The following PTPRK variants were observed in gnomAD, a reference collection of about 807,000 sequenced individuals.
PTPRK encodes the protein receptor-type tyrosine-protein phosphatase kappa.
In PTPRK, 75 loss-of-function variants were observed where a neutral mutation model predicts 178.0. The observed-to-expected ratio is 0.42, with a 90% CI of 0.35 to 0.51. The LOEUF (loss-of-function observed/expected upper bound fraction) is 0.51, where lower values mean the gene tolerates loss of function less well. PTPRK is among the 20% of genes least tolerant of loss of function. The pLI is 0.02. For missense variants in PTPRK, 1,441 were observed against 1,797.8 expected (o/e 0.80, Z 3.59); for synonymous variants, 637 against 620.6 (o/e 1.03, Z -0.39).
chr6:128,251,703 C>T (rs1816483425), intron 3 of PTPRK, among the ~76,000 whole-genome samples: 2 of 152,078 alleles, frequency 1.3e-5, no homozygotes, highest in Admixed American at 1.3e-4. Context: ...TATACACGTG[C>T]CCACATAATT....
intron 6 of PTPRK, among the ~76,000 whole-genome samples, chr6:128,189,235 C>CTTTTTTTTTTTTTTTTTTT (rs71028115): frequency 1.5e-5 from 1 of 67,466 alleles, no homozygotes. Flanking sequence ...TACTCTTTTT[C>CTTTTTTTTTTTTTTTTTTT]TTTTTTTTTT....
chr6:127,992,603 A>G (rs1776734330), intron 19 of PTPRK, 70 bp downstream of exon 19: 6 of 1,351,590 alleles, frequency 4.4e-6, no homozygotes, highest in Non-Finnish European at 5.1e-6. Context: ...TTAAAAAATA[A>G]TAAAAACCAC....
intron 21 of PTPRK, among the ~76,000 whole-genome samples, chr6:127,989,065 G>A (rs1322482553): frequency 6.6e-6 from 1 of 151,962 alleles, no homozygotes; most frequent in Non-Finnish European, 1.5e-5. Context: ...CTAATTTCTG[G>A]GGTCACTGGT....
intron 13 of PTPRK, among the ~76,000 whole-genome samples, chr6:128,035,186 T>A (rs1486502533): frequency 6.6e-6 from 1 of 151,964 alleles, no homozygotes; most frequent in African/African-American, 2.4e-5. Flanking sequence ...GGCCAACATG[T>A]TGAAATCCCG....
chr6:128,239,956 T>C, intron 5 of PTPRK, 79 bp downstream of exon 5: 1 of 1,093,876 alleles, frequency 9.1e-7, no homozygotes, highest in Non-Finnish European at 1.4e-6. Flanking sequence ...CTCAAAAGGA[T>C]GAGACAACAA....
At chr6:128,344,596 G>A (rs1832150309) in intron 2 of PTPRK, among the ~76,000 whole-genome samples, 1 of 151,916 alleles carries the variant, frequency 6.6e-6, no homozygotes, top group Non-Finnish European at 1.5e-5. Context: ...GCTCACTGCA[G>A]CCCTGACCTC....
rs1773667141 is a variant in PTPRK at position 127,969,399 on chromosome 6, A to G, written c.*828T>C. ...TTTTACACAAATTTAATTCACAAGC[A>G]TGTACACAAGAGAATCACTATAAAG... On this transcript the variant is annotated 3_prime_UTR_variant, in exon 30 of 30. Transcript: ENST00000368226. 6.6e-6 allele frequency: 1 copy of G among 152,242 alleles called. No homozygotes were observed. Among genetic ancestry groups the G allele is most frequent in the South Asian group, 2.1e-4 (1 of 4,838 alleles). 9.4% of individuals were successfully genotyped at this position (152,242 alleles called of 1,614,324 possible). A position where few individuals can be genotyped will look rare whatever the true frequency, so the allele number is the denominator to read the frequency against.
intron 4 of PTPRK, among the ~76,000 whole-genome samples, chr6:128,240,483 C>T (rs77479033): frequency 6.6e-6 from 1 of 151,088 alleles, no homozygotes; most frequent in African/African-American, 2.4e-5. Flanking sequence ...ACTTACAAGT[C>T]AAAGCAACCA....
At chr6:128,339,530 T>G (rs778322331) in intron 2 of PTPRK, among the ~76,000 whole-genome samples, 71 of 152,240 alleles carry the variant, frequency 4.7e-4, no homozygotes, top group East Asian at 1.9e-4. Flanking sequence ...ACAATGTGTT[T>G]GGGGTAAGAA....
chr6:128,424,335 T>G (rs1843845897), intron 1 of PTPRK, among the ~76,000 whole-genome samples: 2 of 152,236 alleles, frequency 1.3e-5, no homozygotes, highest in Admixed American at 1.3e-4. Flanking sequence ...AAAGTCATTT[T>G]GAGACAGGAA....
intron 3 of PTPRK, among the ~76,000 whole-genome samples, chr6:128,280,202 CTCA>C (rs1821448644): frequency 6.6e-6 from 1 of 152,128 alleles, no homozygotes; most frequent in Non-Finnish European, 1.5e-5. Context: ...CAGGACAGCA[CTCA>C]TCAAGCTTCT....
chr6:128,228,652 T>A (rs1811799923), intron 5 of PTPRK, among the ~76,000 whole-genome samples: 1 of 76,606 alleles, frequency 1.3e-5, no homozygotes. Flanking sequence ...AGAGTGAGAC[T>A]CCATCTCAAA....
At chr6:128,339,325 T>C (rs1352795634) in intron 2 of PTPRK, among the ~76,000 whole-genome samples, 1 of 152,186 alleles carries the variant, frequency 6.6e-6, no homozygotes, top group Non-Finnish European at 1.5e-5. Context: ...GGCAGTTAAA[T>C]TAAAGCCATT....
chr6:128,486,661 G>A (rs2128426649), intron 1 of PTPRK, among the ~76,000 whole-genome samples: 1 of 152,148 alleles, frequency 6.6e-6, no homozygotes, highest in East Asian at 1.9e-4. Flanking sequence ...AAATTAGCCA[G>A]GCATGGAGGC....
At chr6:128,419,489 C>G (rs1843219582) in intron 1 of PTPRK, among the ~76,000 whole-genome samples, 1 of 152,006 alleles carries the variant, frequency 6.6e-6, no homozygotes, top group Non-Finnish European at 1.5e-5. Context: ...GTGGCGGGCA[C>G]CTGTAGTCCC....
intron 2 of PTPRK, among the ~76,000 whole-genome samples, chr6:128,392,425 T>C: frequency 6.6e-6 from 1 of 152,136 alleles, no homozygotes; most frequent in African/African-American, 2.4e-5. Flanking sequence ...AAACTAAAAT[T>C]CAATTAGCTA....
At chr6:128,131,864 G>A (rs1300013472) in intron 7 of PTPRK, among the ~76,000 whole-genome samples, 1 of 152,152 alleles carries the variant, frequency 6.6e-6, no homozygotes, top group Non-Finnish European at 1.5e-5. Context: ...GTTGAAAAAT[G>A]AGTCATCACT....
intron 6 of PTPRK, among the ~76,000 whole-genome samples, chr6:128,200,105 G>A (rs1348445755): frequency 1.3e-5 from 2 of 152,054 alleles, no homozygotes; most frequent in Non-Finnish European, 2.9e-5. Flanking sequence ...TATATATGAT[G>A]GTTCATACAT....
chr6:128,469,217 T>C (rs1236819261), intron 1 of PTPRK, among the ~76,000 whole-genome samples: 1 of 152,232 alleles, frequency 6.6e-6, no homozygotes, highest in African/African-American at 2.4e-5. Context: ...TTAAGCCATC[T>C]ATCAAGAAAC....
Sources: allele counts gnomAD v4.1 joint callset (sites outside exome capture counted in the v4.1 genomes callset), GRCh38; gene constraint gnomAD v4.1.1; transcripts MANE v1.5; gene names NCBI Gene and HGNC (gene_info 2026-07-23, HGNC 2026-07-21).